Variants in MACF1 observed in about 807,000 individuals in gnomAD.
The protein encoded by MACF1 is microtubule-actin cross-linking factor 1.
In MACF1, 193 loss-of-function variants were observed where a neutral mutation model predicts 854.8. That is an observed-to-expected ratio of 0.23 (90% CI 0.20 to 0.25). MACF1 has a LOEUF of 0.25. MACF1 is among the 10% of genes least tolerant of loss of function. The probability of loss-of-function intolerance (pLI) is 1.00; values close to 1 mark genes in which losing one functional copy is unlikely to be tolerated. For missense variants in MACF1, 7,722 were observed against 8,929.1 expected, an observed-to-expected ratio of 0.86 and a Z score of 5.45; for synonymous variants, 3,185 against 3,226.7, an observed-to-expected ratio of 0.99 and a Z score of 0.44.
In MACF1 at chr1:39,316,317, A is replaced by G. The variant is rs748587592; in HGVS notation, c.3450-74A>G. On this transcript the variant is annotated intron_variant, in intron 27 of 100. Transcript: ENST00000564288. ...GTTATTATGTTTTATGAACCTCTCTATAGCACTCCAGGTATATAACCCTGG... is the reference window on the plus strand; with the variant it reads ...GTTATTATGTTTTATGAACCTCTCTGTAGCACTCCAGGTATATAACCCTGG... 6.8e-5 allele frequency: 89 copies of G among 1,300,034 alleles called. 2 individuals carry two copies. The highest frequency in any genetic ancestry group is 2.4e-4 in the African/African-American group (16 of 67,326). The allele number at this position is 1,300,034 out of a possible 1,614,324, so 80.5% of individuals were successfully genotyped here. A position where few individuals can be genotyped will look rare whatever the true frequency, so the allele number is the denominator to read the frequency against.
rs1392880611 is a variant in MACF1, at chr1:39,452,334, A to G, written c.20597A>G (p.Glu6866Gly). The change falls in exon 86 of 101, where the codon GAG becomes GGG. Residue 6866 changes from glutamate (E) to glycine (G), a missense_variant. Glu to Gly is a moderately conservative substitution (Grantham distance 98). Coordinates refer to ENST00000564288, the MANE Select transcript of MACF1 (RefSeq NM_001394062.1). The stretch of plus-strand genomic sequence containing the variant: ...TCTGTTTCCAAACAAAGCCGGCTTG[A>G]GCAGGCCTTAAAACAAGTAAGGGAT... ...KLSVSKQSRL[E>G]QALKQAEVFR... 6.2e-7 allele frequency: 1 copy of G among 1,613,872 alleles called. No homozygotes were observed.
chr1:39,324,567 T>C, intron 34 of MACF1, 79 bp from the exon 35 acceptor site: 1 of 1,271,432 alleles, frequency 7.9e-7, no homozygotes, highest in South Asian at 1.4e-5. Flanking sequence ...TCTCTAGGAT[T>C]TAAAAAAATA....
chr1:39,317,906 A>C (rs1364001044), intron 29 of MACF1, among the ~76,000 whole-genome samples: 1 of 152,212 alleles, frequency 6.6e-6, no homozygotes, highest in African/African-American at 2.4e-5. Flanking sequence ...CTGGTTAGGG[A>C]AATTTGTAGG....
At chr1:39,429,772 G>A in intron 64 of MACF1, 55 bp from the exon 65 acceptor site, 1 of 1,551,990 alleles carries the variant, frequency 6.4e-7, no homozygotes, top group South Asian at 1.1e-5. Flanking sequence ...GGGGATCAGA[G>A]ACTCCTCATT....
Position 39,354,878 on chromosome 1 carries a change from C to T in MACF1, c.11424+1647C>T, listed in dbSNP as rs533594906. On this transcript the variant is annotated intron_variant, in intron 44 of 100. Coordinates refer to ENST00000564288, the MANE Select transcript of MACF1 (RefSeq NM_001394062.1). Reference sequence around the variant, plus strand: ...GTTTATTTCTACTCATTTATTTATTCATTTAGTAATTACTGAATAGCTGCC... The same window carrying T: ...GTTTATTTCTACTCATTTATTTATTTATTTAGTAATTACTGAATAGCTGCC... Among the ~76,000 whole-genome samples the T allele has an allele frequency of 1.3e-4, 20 of 152,272 alleles. No individual in the cohort carries two copies. In the South Asian group the frequency reaches 4.1e-3, roughly 32 times the overall value.
At chr1:39,429,112 A>C (rs1042362342) in intron 63 of MACF1, 130 bp from the exon 64 acceptor site, 2 of 562,750 alleles carry the variant, frequency 3.6e-6, no homozygotes, top group Non-Finnish European at 6.4e-6. Flanking sequence ...AGATGAGGGG[A>C]TCAAATATCT....
intron 35 of MACF1, among the ~76,000 whole-genome samples, chr1:39,326,979 T>G (rs984915913): frequency 1.3e-5 from 2 of 152,120 alleles, no homozygotes; most frequent in Non-Finnish European, 2.9e-5. Context: ...GGGGTGGGGC[T>G]AAAGTGGAGA....
At position 39,332,322 on chromosome 1, in the gene MACF1, G is replaced by A. The variant is rs773686744; in HGVS notation, c.5734G>A (p.Asp1912Asn). ...AATAGAAAGTGGTATCCTGGATAGA[G>A]ATCTTGCCAATAACTTAAAATCGAT... ...KAIESGILDRDLANNLKSICI... is the reference protein window; with the variant it reads ...KAIESGILDRNLANNLKSICI... Residue 1912 changes from aspartate (D) to asparagine (N), a missense_variant, in exon 37 of 101, where the codon GAT (aspartate) becomes AAT (asparagine). Asp to Asn is a conservative substitution (Grantham distance 23). Around this residue, in one of 15 missense-constraint regions of MACF1, gnomAD observed 1,531 missense variants for 1,601.6 expected, o/e 0.96. Transcript: ENST00000564288. The A allele has an allele frequency of 6.2e-7, 1 of 1,614,008 alleles. No homozygotes were observed. The highest frequency in any genetic ancestry group is 8.5e-7 in the Non-Finnish European group (1 of 1,180,032).
intron 89 of MACF1, chr1:39,457,092 A>G (rs1486001215): frequency 6.6e-6 from 1 of 152,232 alleles, no homozygotes; most frequent in African/African-American, 2.4e-5. Context: ...CTGGTCTAAC[A>G]GCTTTAGCTA....
chr1:39,406,738 C>CAAA (rs5773658), intron 58 of MACF1, among the ~76,000 whole-genome samples: 37 of 31,752 alleles, frequency 1.2e-3, no homozygotes, highest in Middle Eastern at 0.015. Context: ...GAGTCTCACT[C>CAAA]AAAAAAAAAA....
chr1:39,464,710 T>C (rs1238428542), intron 94 of MACF1: 1 of 206,390 alleles, frequency 4.8e-6, no homozygotes, highest in Non-Finnish European at 9.9e-6. Context: ...GGTCAGGAAT[T>C]CGAGACCAAC....
intron 40 of MACF1, among the ~76,000 whole-genome samples, chr1:39,341,194 C>T (rs372593204): frequency 8.6e-5 from 13 of 151,402 alleles, no homozygotes; most frequent in African/African-American, 2.4e-4. Flanking sequence ...CCTCCACGCC[C>T]GGCTCATTTT....
intron 2 of MACF1, among the ~76,000 whole-genome samples, chr1:39,093,305 CTTTTTTTTTTTTTTT>C (rs34921076): frequency 2.8e-4 from 15 of 54,124 alleles, no homozygotes; most frequent in Non-Finnish European, 4.9e-4. Flanking sequence ...TACTCCACTT[CTTTTTTTTTTTTTTT>C]TTTTTTTTTT....
intron 97 of MACF1, among the ~76,000 whole-genome samples, chr1:39,473,476 T>C (rs1206959954): frequency 1.3e-5 from 2 of 152,212 alleles, no homozygotes; most frequent in Non-Finnish European, 2.9e-5. Context: ...AGTCACAAAT[T>C]TAACTTTGTG....
chr1:39,424,709 A>G (rs981458788), intron 61 of MACF1, among the ~76,000 whole-genome samples: 18 of 152,220 alleles, frequency 1.2e-4, no homozygotes, highest in Non-Finnish European at 2.1e-4. Context: ...AAGACAGGCA[A>G]CAAATCCTCC....
At chr1:39,140,317 T>C (rs1312493002) in intron 2 of MACF1, among the ~76,000 whole-genome samples, 2 of 152,210 alleles carry the variant, frequency 1.3e-5, no homozygotes, top group Non-Finnish European at 2.9e-5. Context: ...TATCTTACGA[T>C]TCTTATCACT....
intron 97 of MACF1, among the ~76,000 whole-genome samples, chr1:39,477,065 A>ACACT: frequency 5.6e-5 from 1 of 17,848 alleles, no homozygotes; most frequent in South Asian, 2.9e-3. Flanking sequence ...ATATATATAT[A>ACACT]TATATATATA....
intron 44 of MACF1, 94 bp from the exon 45 acceptor site, chr1:39,357,281 C>G: frequency 7.4e-7 from 1 of 1,345,756 alleles, no homozygotes; most frequent in South Asian, 1.4e-5. Context: ...GTAAGCAGAC[C>G]TCACATGGAG....
intron 24 of MACF1, 141 bp from the exon 25 acceptor site, chr1:39,310,104 A>G: frequency 1.3e-6 from 1 of 743,906 alleles, no homozygotes; most frequent in South Asian, 2.0e-5. Context: ...TAAATGGAGG[A>G]ATTCAAATTA....
Sources: allele counts gnomAD v4.1 joint callset (sites outside exome capture counted in the v4.1 genomes callset), GRCh38; gene constraint gnomAD v4.1.1; regional missense constraint gnomAD v4.1.1; transcripts MANE v1.5; gene names NCBI Gene and HGNC (gene_info 2026-07-23, HGNC 2026-07-21).